FRRS1L: variants seen among roughly 807,000 people sequenced by gnomAD.
FRRS1L encodes ferric chelate reductase 1 like.
FRRS1L carries 22 observed loss-of-function variants against 28.6 expected under a neutral mutation model. The ratio of observed to expected loss-of-function variants is 0.77; its 90% CI spans 0.55 to 1.10. The LOEUF (loss-of-function observed/expected upper bound fraction) is 1.10, where lower values mean the gene tolerates loss of function less well. Ranked by LOEUF, FRRS1L falls within the 50% of genes least tolerant of loss-of-function variation. The pLI is 0.00. For missense variants in FRRS1L, 380 were observed against 386.9 expected (o/e 0.98, Z 0.15); for synonymous variants, 158 against 151.4 (o/e 1.04, Z -0.32).
chr9:109,141,372 T>C lies in FRRS1L; in HGVS notation c.680A>G (p.Tyr227Cys). The change falls in exon 4 of 5, where the codon TAT becomes TGT. Residue 227 changes from tyrosine to cysteine, a missense_variant. Tyr to Cys is a radical substitution (Grantham distance 194, BLOSUM62 -2). Transcript: ENST00000561981. Reference protein sequence around the residue: ...TIVDLHLSWYYLFAWGPAIQG... With the variant: ...TIVDLHLSWYCLFAWGPAIQG... ...AATGGCTGGACCCCAAGCAAACAGA[T>C]AATACCAACTCAAATGCAGATCAAC... 1.2e-6 allele frequency: 2 copies of C among 1,614,150 alleles called. No individual in the cohort carries two copies. Among genetic ancestry groups the C allele is most frequent in the Non-Finnish European group, 8.5e-7 (1 of 1,180,014 alleles).
chr9:109,155,664 A>C (rs1338765828), intron 1 of FRRS1L, among the ~76,000 whole-genome samples: 1 of 148,232 alleles, frequency 6.7e-6, no homozygotes, highest in Non-Finnish European at 1.5e-5. Context: ...AAATTGCACC[A>C]CTGCACTCCA....
rs372126264 is a variant in FRRS1L at position 109,149,625 on chromosome 9, G to A, written c.323+11C>T. 4 of 1,590,422 alleles carry A rather than the reference G, an allele frequency of 2.5e-6. No homozygotes were observed. Among genetic ancestry groups the A allele is most frequent in the Non-Finnish European group, 3.5e-6 (4 of 1,158,680 alleles). ...TAGCCTTAAAGTTATCCAACCTGCA[G>A]TTCCACCAACCTAAAGCATCCCTTA... On this transcript the variant is annotated intron_variant, in intron 2 of 4. Transcript: ENST00000561981.
Position 109,137,204 on chromosome 9 carries a change from T to C in FRRS1L, c.*251A>G. The C allele has an allele frequency of 4.3e-6, 1 of 231,466 alleles. No homozygotes were observed. Among genetic ancestry groups the C allele is most frequent in the Non-Finnish European group, 8.3e-6 (1 of 119,978 alleles). 14.3% of individuals were successfully genotyped at this position (231,466 alleles called of 1,614,324 possible). On this transcript the variant is annotated 3_prime_UTR_variant, in exon 5 of 5. Transcript: ENST00000561981. ...TCATCAATCCAACTCAGAGATGTTG[T>C]GAAGTTAAATAAGAAAACATATGTG...
chr9:109,162,271 G>A (rs558507105), intron 1 of FRRS1L, among the ~76,000 whole-genome samples: 17 of 152,152 alleles, frequency 1.1e-4, no homozygotes, highest in Non-Finnish European at 2.2e-4. Flanking sequence ...AGCTGAGATC[G>A]CACTACTGCA....
At chr9:109,159,355 G>A (rs75773502) in intron 1 of FRRS1L, among the ~76,000 whole-genome samples, 3,114 of 152,210 alleles carry the variant, frequency 0.02, 114 homozygotes, top group African/African-American at 0.072. Flanking sequence ...TTCTTTAAGC[G>A]TGTTTTAGGA....
chr9:109,161,580 T>C (rs1271227966), intron 1 of FRRS1L, among the ~76,000 whole-genome samples: 1 of 152,212 alleles, frequency 6.6e-6, no homozygotes, highest in African/African-American at 2.4e-5. Context: ...GGTTCTCAAT[T>C]GGGCTTTGTG....
intron 4 of FRRS1L, chr9:109,138,046 C>T (rs987831537): frequency 3.3e-5 from 5 of 152,564 alleles, no homozygotes; most frequent in African/African-American, 1.2e-4. Flanking sequence ...CTAACTTTTT[C>T]CCTCAAATCT....
intron 1 of FRRS1L, among the ~76,000 whole-genome samples, chr9:109,155,580 T>G (rs746562268): frequency 6.6e-6 from 1 of 151,836 alleles, no homozygotes; most frequent in Non-Finnish European, 1.5e-5. Context: ...AAAGCACACC[T>G]GTAGTCCTAA....
chr9:109,158,595 G>A (rs1281878655), intron 1 of FRRS1L, among the ~76,000 whole-genome samples: 5 of 152,112 alleles, frequency 3.3e-5, no homozygotes, highest in Admixed American at 1.3e-4. Flanking sequence ...ACAACATGTG[G>A]TCTTTTGTGT....
chr9:109,130,895 A>T lies in FRRS1L; in HGVS notation c.*6560T>A, dbSNP rs1351982116. 6.6e-6 allele frequency: 1 copy of T among 152,232 alleles called. No individual in the cohort carries two copies. The highest frequency in any genetic ancestry group is 1.5e-5 in the Non-Finnish European group (1 of 68,046). The allele number at this position is 152,232 out of a possible 1,614,324, so 9.4% of individuals were successfully genotyped here. A position where few individuals can be genotyped will look rare whatever the true frequency, so the allele number is the denominator to read the frequency against. Reference sequence around the variant, plus strand: ...TAGAGAATCAATTACTCTCCAGAAGAATCCAACCAAATGGCTATCAGCCTA... The same window carrying T: ...TAGAGAATCAATTACTCTCCAGAAGTATCCAACCAAATGGCTATCAGCCTA... On this transcript the variant is annotated 3_prime_UTR_variant, in exon 5 of 5. Coordinates refer to ENST00000561981, the MANE Select transcript of FRRS1L (RefSeq NM_014334.4).
At chr9:109,149,363 A>G (rs1210848235) in intron 2 of FRRS1L, among the ~76,000 whole-genome samples, 1 of 152,228 alleles carries the variant, frequency 6.6e-6, no homozygotes, top group Non-Finnish European at 1.5e-5. Context: ...AGTCTTCTGC[A>G]TATCAGCAAT....
At chr9:109,165,945 G>A (rs930215515) in intron 1 of FRRS1L, among the ~76,000 whole-genome samples, 2 of 152,208 alleles carry the variant, frequency 1.3e-5, no homozygotes, top group Non-Finnish European at 2.9e-5. Context: ...CTCCAGACCA[G>A]TTCTGGATTA....
Position 109,133,008 on chromosome 9 carries a change from A to T in FRRS1L, c.*4447T>A, listed in dbSNP as rs957119540. ...ACAAAATCCTGAATATAGACAGTAA[A>T]CTTAATTCCAGAAATAGTAGTAAAT... is the stretch of plus-strand genomic sequence containing the variant. On this transcript the variant is annotated 3_prime_UTR_variant, in exon 5 of 5. Coordinates refer to ENST00000561981, the MANE Select transcript of FRRS1L (RefSeq NM_014334.4). 1 of 152,190 alleles carries T rather than the reference A, an allele frequency of 6.6e-6. No homozygotes were observed. The highest frequency in any genetic ancestry group is 1.5e-5 in the Non-Finnish European group (1 of 68,036). 9.4% of individuals were successfully genotyped at this position (152,190 alleles called of 1,614,324 possible).
At position 109,166,994 on chromosome 9, in the gene FRRS1L, C is replaced by A; in HGVS notation, c.145G>T (p.Asp49Tyr). ...GGCACCGCCTCGTCGGCGCCCGTGT[C>A]CCCCCGCGCGCGTCCCCGGGGTCCC... ...GRGPRGRARG[D>Y]TGADEAVPRH... is the part of the protein sequence containing the mutation. Residue 49 changes from aspartate (D) to tyrosine (Y), a missense_variant, in exon 1 of 5, where the codon GAC (aspartate) becomes TAC (tyrosine). Asp to Tyr is a radical substitution (Grantham distance 160, BLOSUM62 -3). Transcript: ENST00000561981. 1 of 1,265,702 alleles carries A rather than the reference C, an allele frequency of 7.9e-7. No homozygotes were observed. The highest frequency in any genetic ancestry group is 1.0e-6 in the Non-Finnish European group (1 of 1,003,486). 78.4% of individuals were successfully genotyped at this position (1,265,702 alleles called of 1,614,324 possible).
In FRRS1L at chr9:109,166,985, C is replaced by G. The variant is rs1342676696; in HGVS notation, c.154G>C (p.Ala52Pro). Residue 52 changes from alanine to proline, a missense_variant, in exon 1 of 5, where the codon GCC becomes CCC. Coordinates refer to ENST00000561981, the MANE Select transcript of FRRS1L (RefSeq NM_014334.4). ...TCGTGGCGCGGCACCGCCTCGTCGG[C>G]GCCCGTGTCCCCCCGCGCGCGTCCC... is the stretch of plus-strand genomic sequence containing the variant. ...PRGRARGDTG[A>P]DEAVPRHDSS... The G allele has an allele frequency of 3.1e-6, 4 of 1,284,396 alleles. No individual in the cohort carries two copies. The highest frequency in any genetic ancestry group is 2.9e-4 in the Middle Eastern group (1 of 3,430). The allele number at this position is 1,284,396 out of a possible 1,614,324, so 79.6% of individuals were successfully genotyped here.
At chr9:109,165,537 C>T (rs1454287647) in intron 1 of FRRS1L, among the ~76,000 whole-genome samples, 1 of 152,212 alleles carries the variant, frequency 6.6e-6, no homozygotes, top group African/African-American at 2.4e-5. Context: ...CTTATTTAAA[C>T]CACTATATGT....
intron 4 of FRRS1L, chr9:109,139,528 G>A (rs926876778): frequency 6.6e-6 from 1 of 152,146 alleles, no homozygotes; most frequent in African/African-American, 2.4e-5. Flanking sequence ...TAGATATAAG[G>A]AAATGAAATT....
At chr9:109,145,662 C>T (rs1237008228) in intron 3 of FRRS1L, among the ~76,000 whole-genome samples, 1 of 151,944 alleles carries the variant, frequency 6.6e-6, no homozygotes, top group East Asian at 1.9e-4. Context: ...TGCAGTGAGC[C>T]GACATCATGC....
In FRRS1L at chr9:109,130,311, C is replaced by T. The variant is rs1025118820; in HGVS notation, c.*7144G>A. On this transcript the variant is annotated 3_prime_UTR_variant, in exon 5 of 5. Coordinates refer to ENST00000561981, the MANE Select transcript of FRRS1L (RefSeq NM_014334.4). Reference sequence around the variant, plus strand: ...AAAGCAATAAGGAATTATAAACTAACTTTAATTACATCAACAGGAAGAATT... The same window carrying T: ...AAAGCAATAAGGAATTATAAACTAATTTTAATTACATCAACAGGAAGAATT... 1 of 152,178 alleles carries T rather than the reference C, an allele frequency of 6.6e-6. No individual in the cohort carries two copies. Among genetic ancestry groups the T allele is most frequent in the Non-Finnish European group, 1.5e-5 (1 of 68,028 alleles). 9.4% of individuals were successfully genotyped at this position (152,178 alleles called of 1,614,324 possible).
Sources: allele counts gnomAD v4.1 joint callset (sites outside exome capture counted in the v4.1 genomes callset), GRCh38; gene constraint gnomAD v4.1.1; transcripts MANE v1.5; gene names NCBI Gene and HGNC (gene_info 2026-07-23, HGNC 2026-07-21).